MAGEB1: variants seen among roughly 807,000 people sequenced by gnomAD.
MAGEB1 encodes MAGE family member B1, also known as melanoma-associated antigen B1.
For synonymous variants in MAGEB1, 99 were observed against 105.7 expected (o/e 0.94, Z 0.39); for missense variants, 290 against 286.7 (o/e 1.01, Z -0.08).
intron 1 of MAGEB1, among the ~76,000 whole-genome samples, chrX:30,249,298 T>C (rs950512536): frequency 7.2e-5 from 8 of 111,330 alleles, no homozygotes; most frequent in Non-Finnish European, 1.3e-4. Flanking sequence ...CTTAATCTGA[T>C]GTAAGGGGCC....
chrX:30,249,658 C>G (rs189843534), intron 1 of MAGEB1, among the ~76,000 whole-genome samples: 97 of 111,515 alleles, frequency 8.7e-4, no homozygotes, highest in African/African-American at 3.1e-3. Flanking sequence ...TGACCAGATA[C>G]AGCCACCCTC....
intron 1 of MAGEB1, among the ~76,000 whole-genome samples, chrX:30,250,101 T>A (rs753637947): frequency 9.0e-6 from 1 of 111,359 alleles, no homozygotes; most frequent in Non-Finnish European, 1.9e-5. Flanking sequence ...CCGGTAAGGA[T>A]GGTAGGTTGA....
rs113819941 is a variant in MAGEB1 at position 30,250,522 on chromosome X, G to A, written c.29G>A (p.Arg10His). The change falls in exon 2 of 2, where the codon CGT (arginine) becomes CAT (histidine). Residue 10 changes from arginine to histidine, a missense_variant. Transcript: ENST00000397548. ...CCTCGGGGTCAGAAGAGTAAGCTCCGTGCTCGTGAGAAACGCCGCAAGGCG... is the reference window on the plus strand; with the variant it reads ...CCTCGGGGTCAGAAGAGTAAGCTCCATGCTCGTGAGAAACGCCGCAAGGCG... MPRGQKSKL[R>H]AREKRRKARE... The A allele has an allele frequency of 1.7e-5, 20 of 1,199,698 alleles. No homozygotes were observed. Among genetic ancestry groups the A allele is most frequent in the African/African-American group, 3.5e-5 (2 of 57,168 alleles).
At chrX:30,248,485 C>T (rs1337888782) in intron 1 of MAGEB1, among the ~76,000 whole-genome samples, 1 of 112,179 alleles carries the variant, frequency 8.9e-6, no homozygotes, top group African/African-American at 3.2e-5. Context: ...CCTTCAGGTA[C>T]TGTTTCAGGT....
intron 1 of MAGEB1, among the ~76,000 whole-genome samples, chrX:30,249,301 A>G: frequency 9.0e-6 from 1 of 111,356 alleles, no homozygotes; most frequent in Non-Finnish European, 1.9e-5. Flanking sequence ...AATCTGATGT[A>G]AGGGGCCTCA....
chrX:30,250,613 C>G lies in MAGEB1; in HGVS notation c.120C>G (p.Ser40=), dbSNP rs199978505. Residue 40 remains serine, a synonymous_variant, in exon 2 of 2, where the codon TCC becomes TCG. Transcript: ENST00000397548. ...CAGCAGAGAAAGAGGAGTGCCCCTC[C>G]TCCTCTCCTGTTTTAGGGGATACTC... ...ATAAEKEECP[S]SSPVLGDTPT... is the part of the protein sequence containing the mutation. 3.0e-5 allele frequency: 36 copies of G among 1,207,817 alleles called. No homozygotes were observed. Among genetic ancestry groups the G allele is most frequent in the Non-Finnish European group, 3.6e-5 (32 of 893,716 alleles).
rs1338558925 is a variant in MAGEB1 at position 30,251,944 on chromosome X, C to A, written c.*407C>A. The stretch of plus-strand genomic sequence containing the variant: ...GCAAAGCATGTCAAGTTTTTGTTTT[C>A]TGCATTCAGTTTTGTTTTTGTAAAA... On this transcript the variant is annotated 3_prime_UTR_variant, in exon 2 of 2. Transcript: ENST00000397548. 7.4e-6 allele frequency: 1 copy of A among 134,711 alleles called. No homozygotes were observed. The highest frequency in any genetic ancestry group is 2.4e-4 in the East Asian group (1 of 4,152). 11.1% of individuals were successfully genotyped at this position (134,711 alleles called of 1,213,427 possible). A position where few individuals can be genotyped will look rare whatever the true frequency, so the allele number is the denominator to read the frequency against.
rs771823666 is a variant in MAGEB1 at position 30,251,564 on chromosome X, T to G, written c.*27T>G. 110 of 1,164,702 alleles carry G rather than the reference T, an allele frequency of 9.4e-5. 1 individual carries two copies. In the East Asian group the frequency reaches 3.1e-3, roughly 33 times the overall value. The stretch of plus-strand genomic sequence containing the variant: ...AACTCAGGCAGATTGTTCACTTTGT[T>G]TTTGTGGCAAGATGCCAACCTTTTG... On this transcript the variant is annotated 3_prime_UTR_variant, in exon 2 of 2. Coordinates refer to ENST00000397548, the MANE Select transcript of MAGEB1 (RefSeq NM_177404.3).
upstream of MAGEB1, chrX:30,244,141 T>C (rs1374675523): frequency 8.1e-6 from 1 of 123,247 alleles, no homozygotes; most frequent in Non-Finnish European, 1.9e-5. Flanking sequence ...GAAAAGGAAA[T>C]TACCTTGCAA....
upstream of MAGEB1, among the ~76,000 whole-genome samples, chrX:30,245,183 T>C (rs1442428326): frequency 1.8e-5 from 2 of 112,046 alleles, no homozygotes; most frequent in Non-Finnish European, 3.8e-5. Context: ...TGATTTAATA[T>C]GGAAAAGTTA....
chrX:30,250,770 T>G lies in MAGEB1; in HGVS notation c.277T>G (p.Phe93Val). 1 of 1,211,229 alleles carries G rather than the reference T, an allele frequency of 8.3e-7. No homozygotes were observed. The highest frequency in any genetic ancestry group is 1.1e-6 in the Non-Finnish European group (1 of 895,216). The change falls in exon 2 of 2, where the codon TTC becomes GTC. Residue 93 changes from phenylalanine (F) to valine (V), a missense_variant. Physicochemically the swap from Phe to Val is conservative, Grantham distance 50. Transcript: ENST00000397548. ...ATGCCAAGGTGAGGAAAATGCAAGT[T>G]TCTCCCAGGCCACAACATCCACTGA... ...AKCQGEENASFSQATTSTESS... is the reference protein window; with the variant it reads ...AKCQGEENASVSQATTSTESS...
intron 1 of MAGEB1, among the ~76,000 whole-genome samples, chrX:30,248,454 A>AAGTTGAG (rs1361012729): frequency 3.6e-5 from 4 of 112,374 alleles, no homozygotes; most frequent in African/African-American, 1.3e-4. Context: ...TAGAACTCTC[A>AAGTTGAG]AGTTGAGATG....
At chrX:30,245,881 G>T (rs1286792808), upstream of MAGEB1, among the ~76,000 whole-genome samples, 1 of 112,243 alleles carries the variant, frequency 8.9e-6, no homozygotes, top group Non-Finnish European at 1.9e-5. Context: ...TGAAGGAATA[G>T]ATCAGCATGT....
chrX:30,251,058 C>T lies in MAGEB1; in HGVS notation c.565C>T (p.Leu189=). ...GCTAAACCTCACCAATGATGGAAAC[C>T]TGAGCAATGATTGGGACTTTCCCAG... ...SKLNLTNDGN[L]SNDWDFPRNG... is the part of the protein sequence containing the mutation. Residue 189 remains leucine (L), a synonymous_variant, in exon 2 of 2, where the codon CTG becomes TTG. Transcript: ENST00000397548. 1 of 1,210,802 alleles carries T rather than the reference C, an allele frequency of 8.3e-7. No individual in the cohort carries two copies. Among genetic ancestry groups the T allele is most frequent in the Non-Finnish European group, 1.1e-6 (1 of 894,952 alleles).
chrX:30,249,268 G>A (rs1379059420), intron 1 of MAGEB1, among the ~76,000 whole-genome samples: 2 of 111,142 alleles, frequency 1.8e-5, no homozygotes, highest in Non-Finnish European at 3.8e-5. Flanking sequence ...TTCATCTTGG[G>A]ACTATGAGGC....
In MAGEB1 at chrX:30,250,627, T is replaced by C. The variant is rs781325590; in HGVS notation, c.134T>C (p.Leu45Ser). The change falls in exon 2 of 2, where the codon TTA becomes TCA. Residue 45 changes from leucine (L) to serine (S), a missense_variant. Transcript: ENST00000397548. ...GAGTGCCCCTCCTCCTCTCCTGTTT[T>C]AGGGGATACTCCCACAAGCTCCCCT... is the stretch of plus-strand genomic sequence containing the variant. The part of the protein sequence containing the change: ...KEECPSSSPV[L>S]GDTPTSSPAA... 2.5e-6 allele frequency: 3 copies of C among 1,208,548 alleles called. No homozygotes were observed. The African/African-American group carries it at 5.2e-5, about 21-fold the overall frequency.
rs758156488 is a variant in MAGEB1, at chrX:30,251,141, C to T, written c.648C>T (p.Thr216=). ...GVIFLKGNSA[T]EEEIWKFMNV... ...TCTTCTTAAAGGGCAACTCTGCCAC[C>T]GAGGAAGAGATCTGGAAATTCATGA... The change falls in exon 2 of 2, where the codon ACC becomes ACT. Residue 216 remains threonine, a synonymous_variant. Coordinates refer to ENST00000397548, the MANE Select transcript of MAGEB1 (RefSeq NM_177404.3). 1.2e-5 allele frequency: 15 copies of T among 1,209,700 alleles called. No individual in the cohort carries two copies. The highest frequency in any genetic ancestry group is 7.0e-5 in the African/African-American group (4 of 57,235).
chrX:30,246,737 G>A (rs886904038), upstream of MAGEB1, among the ~76,000 whole-genome samples: 1 of 112,267 alleles, frequency 8.9e-6, no homozygotes, highest in African/African-American at 3.2e-5. Context: ...TCTCATTTCC[G>A]CCTGGAAGGT....
At chrX:30,249,851 C>G (rs1311625592) in intron 1 of MAGEB1, among the ~76,000 whole-genome samples, 1 of 110,803 alleles carries the variant, frequency 9.0e-6, no homozygotes, top group Non-Finnish European at 1.9e-5. Flanking sequence ...CTAGCCCTGT[C>G]TCTGCACTTA....
Sources: allele counts gnomAD v4.1 joint callset (sites outside exome capture counted in the v4.1 genomes callset), GRCh38; gene constraint gnomAD v4.1.1; transcripts MANE v1.5; gene names NCBI Gene and HGNC (gene_info 2026-07-23, HGNC 2026-07-21).